CSMD1: variants seen among roughly 807,000 people sequenced by gnomAD.
The protein encoded by CSMD1 is CUB and sushi domain-containing protein 1.
In CSMD1, 213 loss-of-function variants were observed where a neutral mutation model predicts 417.5. That is an observed-to-expected ratio of 0.51 (90% confidence interval 0.46 to 0.57). CSMD1 has a LOEUF of 0.57. CSMD1 is among the 20% of genes least tolerant of loss of function. The pLI, the probability that CSMD1 is intolerant of heterozygous loss-of-function variation, is 0.00. For synonymous variants in CSMD1, 2,862 were observed against 1,736.8 expected (o/e 1.65, Z -16.11); for missense variants, 6,923 against 4,529.7 (o/e 1.53, Z -15.17).
rs538797350 is a variant in CSMD1 at position 3,947,741 on chromosome 8, T to C, written c.818+50162A>G. The stretch of plus-strand genomic sequence containing the variant: ...TTTTTTTAACGGCACAGAATATAGT[T>C]TATCTTAGTGAATGTTCCATGTGCG... On this transcript the variant is annotated intron_variant, in intron 5 of 69. Transcript: ENST00000635120. Among the ~76,000 whole-genome samples the C allele has an allele frequency of 2.7e-4, 41 of 152,306 alleles. 2 individuals are homozygous for C. The South Asian group carries it at 8.3e-3, about 31-fold the overall frequency.
At chr8:3,363,527 A>ATTTG (rs1809337334) in intron 20 of CSMD1, among the ~76,000 whole-genome samples, 1 of 151,658 alleles carries the variant, frequency 6.6e-6, no homozygotes, top group Non-Finnish European at 1.5e-5. Context: ...TTATTTATTT[A>ATTTG]TTTATTTATT....
Position 4,521,200 on chromosome 8 carries a change from A to G in CSMD1, c.303-101135T>C, listed in dbSNP as rs73660894. On this transcript the variant is annotated intron_variant, in intron 2 of 69. Transcript: ENST00000635120. Reference sequence around the variant, plus strand: ...ATATATACATTAAAAATTGTTTTCTATATAAAAATACTAAAATGTAACAAA... The same window carrying G: ...ATATATACATTAAAAATTGTTTTCTGTATAAAAATACTAAAATGTAACAAA... Among the ~76,000 whole-genome samples, 336 of 152,226 alleles carry G rather than the reference A, an allele frequency of 2.2e-3. 3 individuals carry two copies. Among genetic ancestry groups the G allele is most frequent in the African/African-American group, 7.6e-3 (317 of 41,544 alleles).
chr8:4,821,974 G>A (rs550989208), intron 1 of CSMD1, among the ~76,000 whole-genome samples: 8 of 152,048 alleles, frequency 5.3e-5, no homozygotes, highest in Admixed American at 3.9e-4. Context: ...AGAATACTAC[G>A]TAAAATAAAG....
At position 3,617,909 on chromosome 8, in the gene CSMD1, G is replaced by C. The variant is rs149373279; in HGVS notation, c.1010-1112C>G. ...TCTCACAAATATTTTAAATAATTCC[G>C]TGAGAAGAAAATAATATGTCTGGGT... On this transcript the variant is annotated intron_variant, in intron 7 of 69. Transcript: ENST00000635120. 3.9e-5 allele frequency among the ~76,000 whole-genome samples: 6 copies of C among 152,184 alleles called. No homozygotes were observed. In the East Asian group the frequency reaches 1.2e-3, roughly 29 times the overall value.
chr8:3,354,004 T>A (rs373393739), intron 21 of CSMD1, among the ~76,000 whole-genome samples: 1 of 152,190 alleles, frequency 6.6e-6, no homozygotes, highest in African/African-American at 2.4e-5. Flanking sequence ...CAGAGTGGCC[T>A]CAACAACAGA....
At chr8:4,074,671 G>C (rs533522370) in intron 3 of CSMD1, among the ~76,000 whole-genome samples, 2 of 151,894 alleles carry the variant, frequency 1.3e-5, no homozygotes, top group East Asian at 1.9e-4. Context: ...AATTGACAAT[G>C]GTACGTTAAA....
chr8:3,621,896 G>A (rs557450710), intron 7 of CSMD1, among the ~76,000 whole-genome samples: 2 of 151,668 alleles, frequency 1.3e-5, no homozygotes, highest in African/African-American at 2.4e-5. Flanking sequence ...GTAAGTTATC[G>A]TGTCCAACCA....
At chr8:3,866,153 T>C (rs1431236688) in intron 5 of CSMD1, among the ~76,000 whole-genome samples, 1 of 152,196 alleles carries the variant, frequency 6.6e-6, no homozygotes. Flanking sequence ...AGATATAACA[T>C]TAAGGTTTTA....
intron 2 of CSMD1, among the ~76,000 whole-genome samples, chr8:4,510,282 T>C (rs1204050533): frequency 6.6e-6 from 1 of 151,378 alleles, no homozygotes; most frequent in African/African-American, 2.4e-5. Context: ...GGGTATGTCT[T>C]TATCAGCAGC....
Position 3,732,239 on chromosome 8 carries a change from C to T in CSMD1, c.931+21691G>A, listed in dbSNP as rs186230573. Among the ~76,000 whole-genome samples the T allele has an allele frequency of 1.6e-3, 246 of 152,224 alleles. 2 individuals carry two copies. The highest frequency in any genetic ancestry group is 5.6e-3 in the African/African-American group (234 of 41,546). The stretch of plus-strand genomic sequence containing the variant: ...ATTTAGCAGTTTCGCCCGAGGCCAC[C>T]CTGCAGGGCAATTACTCGATACAAA... On this transcript the variant is annotated intron_variant, in intron 6 of 69. Transcript: ENST00000635120.
intron 46 of CSMD1, among the ~76,000 whole-genome samples, chr8:3,097,794 T>C (rs1451891386): frequency 6.6e-6 from 1 of 152,140 alleles, no homozygotes; most frequent in African/African-American, 2.4e-5. Flanking sequence ...AGCATAGTAA[T>C]ATTTAAACGT....
intron 3 of CSMD1, among the ~76,000 whole-genome samples, chr8:4,416,932 A>C (rs1249620855): frequency 6.6e-6 from 1 of 152,088 alleles, no homozygotes; most frequent in African/African-American, 2.4e-5. Flanking sequence ...ATCTTATTAT[A>C]AACTATGTGT....
intron 3 of CSMD1, among the ~76,000 whole-genome samples, chr8:4,315,758 C>T (rs577470921): frequency 8.5e-5 from 13 of 152,064 alleles, no homozygotes; most frequent in South Asian, 2.1e-4. Context: ...AAGCAACTAG[C>T]TGGTCATTTC....
At chr8:3,567,504 A>G (rs1459548621) in intron 10 of CSMD1, among the ~76,000 whole-genome samples, 1 of 129,882 alleles carries the variant, frequency 7.7e-6, no homozygotes, top group Non-Finnish European at 1.6e-5. Flanking sequence ...AAAGGAAGGA[A>G]GGGAGGGGAG....
At chr8:4,191,187 G>C (rs765262014) in intron 3 of CSMD1, among the ~76,000 whole-genome samples, 25 of 152,142 alleles carry the variant, frequency 1.6e-4, no homozygotes, top group Non-Finnish European at 3.1e-4. Flanking sequence ...ACGACGTCAG[G>C]AGATTGAGAC....
chr8:3,709,884 G>T (rs1801409038), intron 6 of CSMD1, among the ~76,000 whole-genome samples: 1 of 150,426 alleles, frequency 6.6e-6, no homozygotes, highest in Non-Finnish European at 1.5e-5. Flanking sequence ...TGCACATAAG[G>T]AGATTCATAT....
At chr8:3,256,551 T>A (rs955634691) in intron 26 of CSMD1, among the ~76,000 whole-genome samples, 8 of 152,228 alleles carry the variant, frequency 5.3e-5, no homozygotes, top group Admixed American at 2.0e-4. Flanking sequence ...AAAGCTATAA[T>A]CTTGCCCCTT....
At chr8:3,353,124 T>C (rs1585041835) in intron 21 of CSMD1, among the ~76,000 whole-genome samples, 1 of 152,324 alleles carries the variant, frequency 6.6e-6, no homozygotes, top group South Asian at 2.1e-4. Context: ...TATTGGCAGA[T>C]AGGAAATAAT....
At chr8:4,256,615 G>T (rs563810950) in intron 3 of CSMD1, among the ~76,000 whole-genome samples, 64 of 152,266 alleles carry the variant, frequency 4.2e-4, no homozygotes, top group African/African-American at 1.5e-3. Context: ...ACCACCTTGA[G>T]AATCAGTGAG....
Sources: gnomAD v4.1 joint callset for allele counts (sites outside exome capture counted in the v4.1 genomes callset) on GRCh38, gnomAD v4.1.1 for gene constraint, MANE v1.5 for transcripts, NCBI Gene and HGNC (gene_info 2026-07-23, HGNC 2026-07-21) for gene names.